The following DSTYK variants were observed in gnomAD, a reference collection of about 807,000 sequenced individuals.
DSTYK encodes the protein dual serine/threonine and tyrosine protein kinase.
Under a neutral mutation model 98.7 loss-of-function variants are expected in DSTYK, and 34 were observed. The observed-to-expected ratio is 0.34, with a 90% CI of 0.26 to 0.46. The LOEUF (loss-of-function observed/expected upper bound fraction) is 0.46, where lower values mean the gene tolerates loss of function less well. Ranked by LOEUF, DSTYK falls within the 20% of genes least tolerant of loss-of-function variation. The pLI is 1.00. For synonymous variants in DSTYK, 462 were observed against 457.3 expected, an observed-to-expected ratio of 1.01 and a Z score of -0.13; for missense variants, 962 against 1,181.7, an observed-to-expected ratio of 0.81 and a Z score of 2.73.
intron 3 of DSTYK, among the ~76,000 whole-genome samples, chr1:205,168,446 G>T (rs1025714451): frequency 1.3e-5 from 2 of 152,060 alleles, no homozygotes; most frequent in Non-Finnish European, 2.9e-5. Context: ...GTCAGAAATC[G>T]TGAGTAAGTC....
At chr1:205,156,194 G>C (rs540667574) in intron 10 of DSTYK, among the ~76,000 whole-genome samples, 1 of 152,364 alleles carries the variant, frequency 6.6e-6, no homozygotes, top group African/African-American at 2.4e-5. Flanking sequence ...GATATGTGGG[G>C]TTGGAGCCCC....
chr1:205,211,648 C>G lies in DSTYK; in HGVS notation c.-113G>C, dbSNP rs557061785. On this transcript the variant is annotated 5_prime_UTR_variant, in exon 1 of 13. Coordinates refer to ENST00000367162, the MANE Select transcript of DSTYK (RefSeq NM_015375.3). ...GGAATCCGCCTCCTGACGCCCCCGC[C>G]TGCAGTCAGCCTGGCTCCCAACCTC... 1.5e-5 allele frequency: 20 copies of G among 1,359,928 alleles called. No homozygotes were observed. In the African/African-American group the frequency reaches 2.8e-4, roughly 19 times the overall value. 84.2% of individuals were successfully genotyped at this position (1,359,928 alleles called of 1,614,324 possible).
intron 1 of DSTYK, among the ~76,000 whole-genome samples, chr1:205,200,584 A>C (rs1659001786): frequency 6.6e-6 from 1 of 152,204 alleles, no homozygotes; most frequent in Non-Finnish European, 1.5e-5. Context: ...TTTGTAGAAA[A>C]TCCTCTGGGA....
At chr1:205,202,824 T>C (rs1659082279) in intron 1 of DSTYK, 2 of 504,556 alleles carry the variant, frequency 4.0e-6, no homozygotes, top group Non-Finnish European at 7.1e-6. Flanking sequence ...ATAATCTGTA[T>C]GAGCAGAGCC....
At chr1:205,151,172 C>T (rs189177927) in intron 10 of DSTYK, among the ~76,000 whole-genome samples, 138 of 152,256 alleles carry the variant, frequency 9.1e-4, no homozygotes, top group Non-Finnish European at 1.7e-3. Context: ...AGGGCATTTA[C>T]AATGAATGGA....
At position 205,147,398 on chromosome 1, in the gene DSTYK, G is replaced by A. The variant is rs577582216; in HGVS notation, c.*160C>T. The A allele has an allele frequency of 7.1e-5, 50 of 701,288 alleles. 1 individual carries two copies. The South Asian group carries it at 1.1e-3, about 15-fold the overall frequency. 43.4% of individuals were successfully genotyped at this position (701,288 alleles called of 1,614,324 possible). On this transcript the variant is annotated 3_prime_UTR_variant, in exon 13 of 13. Transcript: ENST00000367162. ...ATGCTCAGTCATTCAACTCTTCACT[G>A]TCCAGGAGTCATCCCTGCCTGGGAA...
Position 205,179,178 on chromosome 1 carries a change from C to T in DSTYK, c.654+8240G>A, listed in dbSNP as rs145947056. ...TAGCCCCATCTTACAAATGAGAGAA[C>T]AAAGTGACACAGCTAAGTGACAAAA... On this transcript the variant is annotated intron_variant, in intron 2 of 12. Transcript: ENST00000367162. Among the ~76,000 whole-genome samples the T allele has an allele frequency of 4.1e-3, 620 of 150,574 alleles. 1 individual carries two copies. Among genetic ancestry groups the T allele is most frequent in the Middle Eastern group, 0.01 (3 of 286 alleles).
intron 1 of DSTYK, among the ~76,000 whole-genome samples, chr1:205,200,877 A>T (rs997636886): frequency 2.6e-5 from 4 of 152,140 alleles, no homozygotes; most frequent in African/African-American, 9.7e-5. Context: ...ACTTGATAGC[A>T]CAACAGGGTG....
In DSTYK at chr1:205,169,847, G is replaced by C; in HGVS notation, c.655-15C>G. 2 of 1,598,684 alleles carry C rather than the reference G, an allele frequency of 1.3e-6. No homozygotes were observed. The highest frequency in any genetic ancestry group is 8.5e-7 in the Non-Finnish European group (1 of 1,173,198). ...ACGTCCACTTCCTGGAAGGGGAAGG[G>C]GGTCATATATCAGCGCCTCAGGGTC... On this transcript the variant is annotated splice_polypyrimidine_tract_variant and intron_variant, in intron 2 of 12. Transcript: ENST00000367162. The surrounding 1 kb of genome is among the most constrained non-coding windows in gnomAD (Gnocchi z 4.0).
Position 205,211,631 on chromosome 1 carries a change from C to T in DSTYK, c.-96G>A. The T allele has an allele frequency of 2.9e-6, 4 of 1,383,956 alleles. No individual in the cohort carries two copies. Among genetic ancestry groups the T allele is most frequent in the Admixed American group, 3.3e-5 (1 of 30,594 alleles). 85.7% of individuals were successfully genotyped at this position (1,383,956 alleles called of 1,614,324 possible). On this transcript the variant is annotated 5_prime_UTR_variant, in exon 1 of 13. Transcript: ENST00000367162. Reference sequence around the variant, plus strand: ...CAGTGCCGAAGGGAGGAGGAATCCGCCTCCTGACGCCCCCGCCTGCAGTCA... The same window carrying T: ...CAGTGCCGAAGGGAGGAGGAATCCGTCTCCTGACGCCCCCGCCTGCAGTCA...
chr1:205,200,609 C>T (rs1202475057), intron 1 of DSTYK, among the ~76,000 whole-genome samples: 1 of 152,190 alleles, frequency 6.6e-6, no homozygotes, highest in Non-Finnish European at 1.5e-5. Context: ...CATGATGAAA[C>T]ACTAATCCTT....
At position 205,157,385 on chromosome 1, in the gene DSTYK, G is replaced by A. The variant is rs1351795306; in HGVS notation, c.2240C>T (p.Ala747Val). ...CAAACGTGTCTCCAGGGTCAGCCCAGCCTTGGGGAGACAAAAGAGCTTACT... is the reference window on the plus strand; with the variant it reads ...CAAACGTGTCTCCAGGGTCAGCCCAACCTTGGGGAGACAAAAGAGCTTACT... ...LHRDLYTGLKAGLTLETRLQI... is the reference protein window; with the variant it reads ...LHRDLYTGLKVGLTLETRLQI... The change falls in exon 10 of 13, where the codon GCT (alanine) becomes GTT (valine). Residue 747 changes from alanine to valine, a missense_variant and splice_region_variant. Physicochemically the swap from Ala to Val is moderately conservative, Grantham distance 64. This residue lies in a region of DSTYK where 660 missense variants were observed against 855.0 expected (regional missense o/e 0.77). Coordinates refer to ENST00000367162, the MANE Select transcript of DSTYK (RefSeq NM_015375.3). 3.1e-6 allele frequency: 5 copies of A among 1,613,716 alleles called. No individual in the cohort carries two copies. The highest frequency in any genetic ancestry group is 4.2e-6 in the Non-Finnish European group (5 of 1,179,644).
At chr1:205,182,108 A>G (rs960700596) in intron 2 of DSTYK, among the ~76,000 whole-genome samples, 7 of 152,178 alleles carry the variant, frequency 4.6e-5, no homozygotes, top group Non-Finnish European at 7.3e-5. Context: ...AAACAAACAA[A>G]AACAATTAGT....
At chr1:205,200,630 T>A (rs1371180331) in intron 1 of DSTYK, among the ~76,000 whole-genome samples, 1 of 152,252 alleles carries the variant, frequency 6.6e-6, no homozygotes, top group Non-Finnish European at 1.5e-5. Flanking sequence ...TTTTCCTTCA[T>A]AACATCAATT....
rs555157122 is a variant in DSTYK, at chr1:205,211,580, G to A, written c.-45C>T. On this transcript the variant is annotated 5_prime_UTR_variant, in exon 1 of 13. Coordinates refer to ENST00000367162, the MANE Select transcript of DSTYK (RefSeq NM_015375.3). ...TTTGCGGCTCGGTCCCCGGCCGCAG[G>A]CCCGGCCTCCCTCCTCCCCGCCCCC... 14 of 1,409,182 alleles carry A rather than the reference G, an allele frequency of 9.9e-6. No individual in the cohort carries two copies. The South Asian group carries it at 2.2e-4, about 22-fold the overall frequency. 87.3% of individuals were successfully genotyped at this position (1,409,182 alleles called of 1,614,324 possible). A position where few individuals can be genotyped will look rare whatever the true frequency, so the allele number is the denominator to read the frequency against.
At chr1:205,194,484 C>T (rs1282704699) in intron 1 of DSTYK, among the ~76,000 whole-genome samples, 1 of 151,950 alleles carries the variant, frequency 6.6e-6, no homozygotes, top group African/African-American at 2.4e-5. Context: ...AGAGTTATTA[C>T]TGCAATACTT....
At chr1:205,173,484 C>T (rs1398895534) in intron 2 of DSTYK, 1 of 151,236 alleles carries the variant, frequency 6.6e-6, no homozygotes, top group Non-Finnish European at 1.5e-5. Flanking sequence ...ACAAAGCTGC[C>T]CTAAAGACAT....
chr1:205,154,881 G>A (rs940801384), intron 10 of DSTYK, among the ~76,000 whole-genome samples: 24 of 152,306 alleles, frequency 1.6e-4, no homozygotes, highest in Non-Finnish European at 2.4e-4. Context: ...CTATTGCTGT[G>A]CAAGGAGACT....
intron 12 of DSTYK, 61 bp downstream of exon 12, chr1:205,148,144 G>A: frequency 6.2e-7 from 1 of 1,603,308 alleles, no homozygotes; most frequent in Middle Eastern, 1.8e-4. Flanking sequence ...CGGTGACATT[G>A]CCTGGGCTCA....
Sources: gnomAD v4.1 joint callset for allele counts (sites outside exome capture counted in the v4.1 genomes callset) on GRCh38, gnomAD v4.1.1 for gene constraint, gnomAD v4.1.1 regional missense constraint, Gnocchi (gnomAD v3.1) non-coding constraint, MANE v1.5 for transcripts, NCBI Gene and HGNC (gene_info 2026-07-23, HGNC 2026-07-21) for gene names.